The following IGSF21 variants were observed in gnomAD, a reference collection of about 807,000 sequenced individuals.
IGSF21 encodes the protein immunoglobin superfamily member 21.
IGSF21 carries 28 observed loss-of-function variants against 46.8 expected under a neutral mutation model. The ratio of observed to expected loss-of-function variants is 0.60; its 90% CI spans 0.44 to 0.82. The LOEUF is 0.82. Ranked by LOEUF, IGSF21 falls within the 40% of genes least tolerant of loss-of-function variation. The probability of loss-of-function intolerance (pLI) is 0.00; values close to 1 mark genes in which losing one functional copy is unlikely to be tolerated. For missense variants in IGSF21, 624 were observed against 665.5 expected (o/e 0.94, Z 0.69); for synonymous variants, 284 against 273.6 (o/e 1.04, Z -0.38).
intron 1 of IGSF21, among the ~76,000 whole-genome samples, chr1:18,155,690 C>T (rs1439013996): frequency 1.3e-5 from 2 of 152,346 alleles, no homozygotes; most frequent in East Asian, 3.9e-4. Context: ...TCAAGAAAGA[C>T]AGCCAGGCTT....
intron 1 of IGSF21, among the ~76,000 whole-genome samples, chr1:18,119,338 T>G (rs2086213326): frequency 6.6e-6 from 1 of 152,228 alleles, no homozygotes; most frequent in Non-Finnish European, 1.5e-5. Flanking sequence ...ACTACTGACA[T>G]TTAAATTAAA....
intron 1 of IGSF21, among the ~76,000 whole-genome samples, chr1:18,118,339 G>A (rs1440859063): frequency 1.3e-5 from 2 of 152,164 alleles, no homozygotes; most frequent in Non-Finnish European, 2.9e-5. Context: ...ATCATTCTGG[G>A]CTGGGCTGGG....
intron 1 of IGSF21, among the ~76,000 whole-genome samples, chr1:18,221,426 C>T (rs1034365665): frequency 6.6e-6 from 1 of 152,120 alleles, no homozygotes; most frequent in Non-Finnish European, 1.5e-5. Context: ...TCGCTGACCC[C>T]GTCCCCTGGG....
intron 4 of IGSF21, among the ~76,000 whole-genome samples, chr1:18,354,581 G>GT (rs955312836): frequency 6.6e-6 from 1 of 152,122 alleles, no homozygotes; most frequent in Non-Finnish European, 1.5e-5. Context: ...GAAAGAATGG[G>GT]TTTTTTTGCA....
In IGSF21 at chr1:18,231,922, C is replaced by CGTGTGTGTGTGTGTGTGTGTGT. The variant is rs150869622; in HGVS notation, c.183+3930_183+3951dup. Among the ~76,000 whole-genome samples, 1,100 of 136,470 alleles carry CGTGTGTGTGTGTGTGTGTGTGT rather than the reference C, an allele frequency of 8.1e-3. 14 individuals are homozygous for CGTGTGTGTGTGTGTGTGTGTGT. Among genetic ancestry groups the CGTGTGTGTGTGTGTGTGTGTGT allele is most frequent in the Middle Eastern group, 0.023 (6 of 264 alleles). 89.5% of individuals were successfully genotyped at this position (136,470 alleles called of 152,430 possible). ...ATTTGGTAACCTGACATCATTAGAT[C>CGTGTGTGTGTGTGTGTGTGTGT]GTGTGTGTGTGTGTGTGTGTGTGTG... On this transcript the variant is annotated intron_variant, in intron 2 of 9. Transcript: ENST00000251296.
chr1:18,235,581 T>C (rs1256655206), intron 2 of IGSF21, among the ~76,000 whole-genome samples: 1 of 151,996 alleles, frequency 6.6e-6, no homozygotes, highest in East Asian at 1.9e-4. Context: ...GACAGTTCTG[T>C]GGGAAAAAGC....
chr1:18,280,312 G>A (rs939977149), intron 2 of IGSF21, among the ~76,000 whole-genome samples: 4 of 152,018 alleles, frequency 2.6e-5, no homozygotes, highest in African/African-American at 7.2e-5. Context: ...CTGGAAAAGT[G>A]GTCTCTTCTC....
intron 2 of IGSF21, among the ~76,000 whole-genome samples, chr1:18,256,193 C>T (rs1307911849): frequency 1.3e-5 from 2 of 152,168 alleles, no homozygotes; most frequent in African/African-American, 4.8e-5. Context: ...TATATGCCCT[C>T]CTGTATGACT....
intron 2 of IGSF21, among the ~76,000 whole-genome samples, chr1:18,234,207 G>A (rs2084653088): frequency 6.6e-6 from 1 of 152,108 alleles, no homozygotes; most frequent in Non-Finnish European, 1.5e-5. Context: ...TCTGGAAAAG[G>A]ATGTGAGTGA....
chr1:18,238,391 C>T lies in IGSF21; in HGVS notation c.183+10381C>T, dbSNP rs868661614. Among the ~76,000 whole-genome samples the T allele has an allele frequency of 2.0e-5, 3 of 152,270 alleles. No individual in the cohort carries two copies. In the South Asian group the frequency reaches 6.2e-4, roughly 32 times the overall value. ...CGTCCAGACACCACAGCTCAGTCAG[C>T]CTGGATTTGTGCACAGATGCCCTTG... On this transcript the variant is annotated intron_variant, in intron 2 of 9. Coordinates refer to ENST00000251296, the MANE Select transcript of IGSF21 (RefSeq NM_032880.5).
At chr1:18,356,640 A>G (rs1161265511) in intron 4 of IGSF21, among the ~76,000 whole-genome samples, 3 of 152,232 alleles carry the variant, frequency 2.0e-5, no homozygotes, top group Non-Finnish European at 4.4e-5. Flanking sequence ...CATGGGATCT[A>G]TCCCAGGCAT....
intron 2 of IGSF21, among the ~76,000 whole-genome samples, chr1:18,232,895 G>A (rs2084641468): frequency 6.6e-6 from 1 of 152,192 alleles, no homozygotes; most frequent in Admixed American, 6.5e-5. Flanking sequence ...AGGGGGTGGG[G>A]AGTGTGGGTC....
At chr1:18,125,527 C>G (rs1036387217) in intron 1 of IGSF21, among the ~76,000 whole-genome samples, 1 of 152,238 alleles carries the variant, frequency 6.6e-6, no homozygotes, top group Non-Finnish European at 1.5e-5. Flanking sequence ...TTAAAGCTGG[C>G]AGAGCCATAC....
At chr1:18,264,829 T>A (rs1417064147) in intron 2 of IGSF21, among the ~76,000 whole-genome samples, 1 of 152,174 alleles carries the variant, frequency 6.6e-6, no homozygotes. Context: ...TGGCTCCCGT[T>A]ACCTTGACAA....
intron 2 of IGSF21, among the ~76,000 whole-genome samples, chr1:18,229,721 G>A (rs2084604612): frequency 6.6e-6 from 1 of 152,338 alleles, no homozygotes; most frequent in East Asian, 1.9e-4. Context: ...AGAAAGTCAA[G>A]GCATATGTTA....
chr1:18,355,409 C>G (rs1045468902), intron 4 of IGSF21, among the ~76,000 whole-genome samples: 3 of 152,188 alleles, frequency 2.0e-5, no homozygotes, highest in Admixed American at 6.5e-5. Flanking sequence ...GATCATCCAA[C>G]CATTACCTCC....
At chr1:18,350,894 G>T (rs979355557) in intron 4 of IGSF21, among the ~76,000 whole-genome samples, 8 of 152,170 alleles carry the variant, frequency 5.3e-5, no homozygotes, top group African/African-American at 1.7e-4. Flanking sequence ...TGCGGTGGGG[G>T]GTAGGGGCTC....
chr1:18,260,588 A>C (rs77201916), intron 2 of IGSF21, among the ~76,000 whole-genome samples: 1 of 152,224 alleles, frequency 6.6e-6, no homozygotes, highest in African/African-American at 2.4e-5. Flanking sequence ...TAAGGTGTGA[A>C]TTATGTGGCC....
chr1:18,292,046 G>A lies in IGSF21; in HGVS notation c.305+59G>A, dbSNP rs1257101507. 6 of 1,553,216 alleles carry A rather than the reference G, an allele frequency of 3.9e-6. No homozygotes were observed. In the African/African-American group the frequency reaches 6.8e-5, roughly 18 times the overall value. Reference sequence around the variant, plus strand: ...GGAAGGGCGGAGGGATGGGGAGTGGGGCAGAGGGCAGTTCTCCAGCCCTTT... The same window carrying A: ...GGAAGGGCGGAGGGATGGGGAGTGGAGCAGAGGGCAGTTCTCCAGCCCTTT... On this transcript the variant is annotated intron_variant, in intron 3 of 9. Transcript: ENST00000251296.
Sources: gnomAD v4.1 joint callset for allele counts (sites outside exome capture counted in the v4.1 genomes callset) on GRCh38, gnomAD v4.1.1 for gene constraint, MANE v1.5 for transcripts, NCBI Gene and HGNC (gene_info 2026-07-23, HGNC 2026-07-21) for gene names.